The following KCNIP4 variants were observed in gnomAD, a reference collection of about 807,000 sequenced individuals.
KCNIP4 encodes the protein potassium voltage-gated channel interacting protein 4.
KCNIP4 carries 12 observed loss-of-function variants against 34.0 expected under a neutral mutation model. That is an observed-to-expected ratio of 0.35 (90% CI 0.23 to 0.57). KCNIP4 has a LOEUF of 0.57. Among genes scored for constraint, KCNIP4 ranks in the 20% least tolerant of loss-of-function variants. KCNIP4 has a pLI of 0.83. For missense variants in KCNIP4, 238 were observed against 311.7 expected (o/e 0.76, Z 1.78); for synonymous variants, 124 against 102.2 (o/e 1.21, Z -1.29).
At chr4:21,165,577 A>G (rs1753572969) in intron 1 of KCNIP4, among the ~76,000 whole-genome samples, 1 of 152,160 alleles carries the variant, frequency 6.6e-6, no homozygotes, top group Non-Finnish European at 1.5e-5. Context: ...ATCTAAATAT[A>G]AAATGATACA....
chr4:21,435,591 C>T lies in KCNIP4; in HGVS notation c.61+512980G>A, dbSNP rs555254041. On this transcript the variant is annotated intron_variant, in intron 1 of 8. Transcript: ENST00000382152. ...CCTCTTATTTTTAATGGGCAGAACA[C>T]GGATTCTTGGTGTCTGAATGAATAG... Among the ~76,000 whole-genome samples, 7 of 152,160 alleles carry T rather than the reference C, an allele frequency of 4.6e-5. No homozygotes were observed. In the East Asian group the frequency reaches 5.8e-4, roughly 13 times the overall value.
chr4:21,244,859 T>C (rs997143390), intron 1 of KCNIP4, among the ~76,000 whole-genome samples: 2 of 152,222 alleles, frequency 1.3e-5, no homozygotes, highest in Non-Finnish European at 2.9e-5. Context: ...ACTAATAAAG[T>C]GAAAAATTGA....
intron 1 of KCNIP4, among the ~76,000 whole-genome samples, chr4:21,086,905 C>T (rs987532489): frequency 1.3e-4 from 19 of 150,898 alleles, no homozygotes; most frequent in Non-Finnish European, 2.4e-4. Context: ...TTCTTTCTCC[C>T]TCTCTTTCCC....
chr4:21,898,306 G>A (rs1291527055), intron 1 of KCNIP4, among the ~76,000 whole-genome samples: 1 of 152,114 alleles, frequency 6.6e-6, no homozygotes, highest in Admixed American at 6.5e-5. Context: ...GCCAGCTAGA[G>A]CAGCCAAGGG....
chr4:21,737,405 C>G (rs1283376952), intron 1 of KCNIP4, among the ~76,000 whole-genome samples: 1 of 151,710 alleles, frequency 6.6e-6, no homozygotes, highest in Non-Finnish European at 1.5e-5. Context: ...AGTGGACATT[C>G]AATGAAAAGG....
At chr4:21,138,213 A>G (rs376676370) in intron 1 of KCNIP4, among the ~76,000 whole-genome samples, 1 of 151,924 alleles carries the variant, frequency 6.6e-6, no homozygotes, top group East Asian at 1.9e-4. Flanking sequence ...TCTTTTTTCT[A>G]TTTCCAATTC....
chr4:21,035,342 T>C (rs1298013551), intron 1 of KCNIP4, among the ~76,000 whole-genome samples: 3 of 152,200 alleles, frequency 2.0e-5, no homozygotes, highest in East Asian at 3.9e-4. Flanking sequence ...CTACTAATCA[T>C]TCAAATGAAA....
intron 1 of KCNIP4, among the ~76,000 whole-genome samples, chr4:20,936,068 C>A (rs1731025907): frequency 6.6e-6 from 1 of 151,236 alleles, no homozygotes; most frequent in Non-Finnish European, 1.5e-5. Flanking sequence ...GATTCTTAAT[C>A]ATATGAAAGA....
intron 1 of KCNIP4, among the ~76,000 whole-genome samples, chr4:21,273,233 C>T (rs1455065201): frequency 6.6e-6 from 1 of 151,988 alleles, no homozygotes. Context: ...TAAGTGTCTG[C>T]CCCACTACAC....
At chr4:20,871,241 T>G (rs1421636684) in intron 2 of KCNIP4, among the ~76,000 whole-genome samples, 1 of 152,058 alleles carries the variant, frequency 6.6e-6, no homozygotes, top group South Asian at 2.1e-4. Flanking sequence ...GAAATTCTAA[T>G]GGAAGAGTCA....
intron 1 of KCNIP4, among the ~76,000 whole-genome samples, chr4:21,454,164 T>C (rs1728735705): frequency 6.6e-6 from 1 of 152,112 alleles, no homozygotes. Flanking sequence ...AAAAATCCCA[T>C]TTTAATTCAA....
Position 20,729,924 on chromosome 4 carries a change from C to G in KCNIP4, c.*158G>C, listed in dbSNP as rs879244358. The G allele has an allele frequency of 1.3e-6, 1 of 796,212 alleles. No individual in the cohort carries two copies. Among genetic ancestry groups the G allele is most frequent in the South Asian group, 3.4e-5 (1 of 29,630 alleles). 49.3% of individuals were successfully genotyped at this position (796,212 alleles called of 1,614,324 possible). A position where few individuals can be genotyped will look rare whatever the true frequency, so the allele number is the denominator to read the frequency against. On this transcript the variant is annotated 3_prime_UTR_variant, in exon 9 of 9. Transcript: ENST00000382152. ...GGATGCAAATTTATAACTGAAAGCTCAAATCTTTTGGGGATTGCTTTATAT... is the reference window on the plus strand; with the variant it reads ...GGATGCAAATTTATAACTGAAAGCTGAAATCTTTTGGGGATTGCTTTATAT...
At chr4:20,893,755 G>C (rs772460982) in intron 1 of KCNIP4, among the ~76,000 whole-genome samples, 2 of 151,834 alleles carry the variant, frequency 1.3e-5, no homozygotes, top group African/African-American at 4.8e-5. Flanking sequence ...CTGTATATGA[G>C]GTAAGCAGCC....
chr4:21,471,302 C>T (rs372488820), intron 1 of KCNIP4, among the ~76,000 whole-genome samples: 5 of 152,072 alleles, frequency 3.3e-5, no homozygotes, highest in East Asian at 1.9e-4. Flanking sequence ...AGATTCTCTT[C>T]CCTCATTTCA....
At chr4:21,637,552 G>A (rs1472621176) in intron 1 of KCNIP4, among the ~76,000 whole-genome samples, 1 of 151,982 alleles carries the variant, frequency 6.6e-6, no homozygotes, top group Non-Finnish European at 1.5e-5. Flanking sequence ...GGAGACTGAG[G>A]CGGGTGGATG....
chr4:21,304,073 G>GAGAGAGAGAGAC (rs1712113650), intron 1 of KCNIP4: 25 of 235,858 alleles, frequency 1.1e-4, no homozygotes, highest in Admixed American at 7.0e-4. Context: ...GAGAGACAGA[G>GAGAGAGAGAGAC]AGAGAGAGAG....
At chr4:21,549,106 A>G (rs1322153359) in intron 1 of KCNIP4, among the ~76,000 whole-genome samples, 2 of 151,986 alleles carry the variant, frequency 1.3e-5, no homozygotes, top group East Asian at 3.9e-4. Flanking sequence ...TTGAGAAGCA[A>G]TGGTCTCTAG....
intron 1 of KCNIP4, among the ~76,000 whole-genome samples, chr4:21,006,614 C>G (rs1026698028): frequency 1.3e-5 from 2 of 152,140 alleles, no homozygotes; most frequent in Non-Finnish European, 2.9e-5. Flanking sequence ...GTTCAAGATT[C>G]TACAGAAGCA....
chr4:20,784,732 C>A (rs1331094914), intron 3 of KCNIP4, among the ~76,000 whole-genome samples: 2 of 152,064 alleles, frequency 1.3e-5, no homozygotes, highest in African/African-American at 2.4e-5. Context: ...ATTGGCACAG[C>A]ATCTTTCTTG....
Sources: allele counts gnomAD v4.1 joint callset (sites outside exome capture counted in the v4.1 genomes callset), GRCh38; gene constraint gnomAD v4.1.1; transcripts MANE v1.5; gene names NCBI Gene and HGNC (gene_info 2026-07-23, HGNC 2026-07-21).